Variants in PTPRE observed in about 807,000 individuals in gnomAD.
PTPRE encodes protein tyrosine phosphatase receptor type E.
PTPRE carries 51 observed loss-of-function variants against 102.0 expected under a neutral mutation model. The ratio of observed to expected loss-of-function variants is 0.50; its 90% confidence interval spans 0.40 to 0.63. PTPRE has a LOEUF of 0.63. Ranked by LOEUF, PTPRE falls within the 30% of genes least tolerant of loss-of-function variation. PTPRE has a pLI of 0.00. For synonymous variants in PTPRE, 345 were observed against 348.2 expected, an observed-to-expected ratio of 0.99 and a Z score of 0.10; for missense variants, 752 against 915.1, an observed-to-expected ratio of 0.82 and a Z score of 2.30.
At chr10:128,054,822 A>G (rs2135897941) in intron 6 of PTPRE, among the ~76,000 whole-genome samples, 1 of 152,224 alleles carries the variant, frequency 6.6e-6, no homozygotes, top group East Asian at 2.0e-4. Flanking sequence ...CCAGGCCTGC[A>G]CGGCTTGGAT....
intron 17 of PTPRE, 78 bp downstream of exon 17, chr10:128,073,549 C>T: frequency 6.6e-7 from 1 of 1,510,252 alleles, no homozygotes; most frequent in Non-Finnish European, 8.9e-7. Context: ...TTACAAATGT[C>T]CCACCTGCCA....
intron 1 of PTPRE, among the ~76,000 whole-genome samples, chr10:127,936,497 C>A (rs1034666579): frequency 4.6e-5 from 7 of 152,186 alleles, no homozygotes; most frequent in Admixed American, 3.3e-4. Flanking sequence ...CTTTCTGACA[C>A]AGAATTTCCA....
chr10:128,047,397 G>A lies in PTPRE; in HGVS notation c.117G>A (p.Pro39=), dbSNP rs373248427. The change falls in exon 4 of 21, where the codon CCG becomes CCA. Residue 39 remains proline (P), a synonymous_variant. Coordinates refer to ENST00000254667, the MANE Select transcript of PTPRE (RefSeq NM_006504.6). The stretch of plus-strand genomic sequence containing the variant: ...TTTCTGCTTCTCCTGCAGGCCCTCC[G>A]GACCCGGGCGCCTCCCAGCCGCTGC... The part of the protein sequence containing the change: ...SNETTTTSGP[P]DPGASQPLLA... The A allele has an allele frequency of 1.1e-5, 17 of 1,612,638 alleles. No individual in the cohort carries two copies. Among genetic ancestry groups the A allele is most frequent in the African/African-American group, 2.7e-5 (2 of 74,906 alleles).
rs1346146621 is a variant in PTPRE, at chr10:128,085,258, C to T, written c.*2352C>T. On this transcript the variant is annotated 3_prime_UTR_variant, in exon 21 of 21. Coordinates refer to ENST00000254667, the MANE Select transcript of PTPRE (RefSeq NM_006504.6). The stretch of plus-strand genomic sequence containing the variant: ...AATCAATCCCTGAGGGACTCAGAAT[C>T]TTCTCCGTGCAACCTGGAAAGTTCA... 3.0e-6 allele frequency: 1 copy of T among 328,446 alleles called. No individual in the cohort carries two copies. The highest frequency in any genetic ancestry group is 2.2e-5 in the African/African-American group (1 of 46,330). The allele number at this position is 328,446 out of a possible 1,614,324, so 20.3% of individuals were successfully genotyped here.
At chr10:128,068,529 G>T in intron 12 of PTPRE, 1 of 367,472 alleles carries the variant, frequency 2.7e-6, no homozygotes, top group South Asian at 7.3e-5. Context: ...GTTGATGGTG[G>T]GAATGGAGTT....
At chr10:127,999,406 C>T in intron 2 of PTPRE, 1 of 323,486 alleles carries the variant, frequency 3.1e-6, no homozygotes, top group Non-Finnish European at 4.4e-6. Context: ...AAATGTGAAC[C>T]ACGGGGGGAA....
intron 10 of PTPRE, among the ~76,000 whole-genome samples, chr10:128,065,092 A>G (rs1028037045): frequency 6.6e-6 from 1 of 152,114 alleles, no homozygotes; most frequent in African/African-American, 2.4e-5. Flanking sequence ...TGCATCAGAG[A>G]TGGCCTGTGA....
chr10:127,935,256 C>T (rs916026838), intron 1 of PTPRE, among the ~76,000 whole-genome samples: 3 of 152,178 alleles, frequency 2.0e-5, no homozygotes, highest in Admixed American at 6.5e-5. Context: ...GTGGTGCAAA[C>T]GTGGCCTTTG....
intron 1 of PTPRE, among the ~76,000 whole-genome samples, chr10:127,909,183 AG>A (rs1845693873): frequency 1.3e-5 from 2 of 152,166 alleles, no homozygotes; most frequent in Admixed American, 1.3e-4. Flanking sequence ...CCTCTTCTCC[AG>A]GGATGCGTGT....
At chr10:127,991,193 G>A (rs1273276638) in intron 2 of PTPRE, among the ~76,000 whole-genome samples, 1 of 152,210 alleles carries the variant, frequency 6.6e-6, no homozygotes, top group East Asian at 1.9e-4. Context: ...CCCAAAAGTA[G>A]ACTATTTGAG....
intron 17 of PTPRE, 102 bp downstream of exon 17, chr10:128,073,573 A>T: frequency 7.0e-7 from 1 of 1,427,948 alleles, no homozygotes; most frequent in Non-Finnish European, 9.4e-7. Flanking sequence ...CTGCAAACAC[A>T]TGGGTGAGAC....
At chr10:128,031,899 C>T (rs977705303) in intron 2 of PTPRE, among the ~76,000 whole-genome samples, 5 of 152,172 alleles carry the variant, frequency 3.3e-5, no homozygotes, top group Non-Finnish European at 4.4e-5. Context: ...TCTGCATTCT[C>T]TCCAGGGGGC....
At chr10:127,988,158 C>A (rs1482079276) in intron 2 of PTPRE, among the ~76,000 whole-genome samples, 1 of 152,310 alleles carries the variant, frequency 6.6e-6, no homozygotes, top group East Asian at 1.9e-4. Flanking sequence ...ATGCAAGGGC[C>A]GTGGGTGGAC....
chr10:128,067,094 G>GCA (rs1192349863), intron 11 of PTPRE, among the ~76,000 whole-genome samples: 1 of 145,858 alleles, frequency 6.9e-6, no homozygotes, highest in Non-Finnish European at 1.5e-5. Flanking sequence ...GCACACACAT[G>GCA]CACACACACG....
chr10:127,978,513 C>T (rs1851364671), intron 1 of PTPRE, among the ~76,000 whole-genome samples: 1 of 152,040 alleles, frequency 6.6e-6, no homozygotes, highest in African/African-American at 2.4e-5. Context: ...TGAACTTCAG[C>T]CTGGACTATA....
chr10:128,025,543 C>A (rs1846231222), intron 2 of PTPRE, among the ~76,000 whole-genome samples: 1 of 152,184 alleles, frequency 6.6e-6, no homozygotes, highest in Admixed American at 6.5e-5. Context: ...CAGGAGTAGG[C>A]CTGGGCGTCA....
intron 20 of PTPRE, among the ~76,000 whole-genome samples, 167 bp from the exon 21 acceptor site, chr10:128,082,665 T>C (rs1388076092): frequency 6.6e-6 from 1 of 152,252 alleles, no homozygotes; most frequent in East Asian, 1.9e-4. Flanking sequence ...ACAGCTTTAT[T>C]TGGAATTCTG....
At position 127,945,277 on chromosome 10, in the gene PTPRE, G is replaced by A. The variant is rs913508023; in HGVS notation, c.-30-36997G>A. 4.6e-5 allele frequency among the ~76,000 whole-genome samples: 7 copies of A among 152,334 alleles called. No individual in the cohort carries two copies. In the South Asian group the frequency reaches 1.4e-3, roughly 32 times the overall value. ...GCTGTAGCAACATTCATACATGGGG[G>A]TGAGAGGGGTGACTTGCGGAACTGG... On this transcript the variant is annotated intron_variant, in intron 1 of 20. Coordinates refer to ENST00000254667, the MANE Select transcript of PTPRE (RefSeq NM_006504.6).
intron 1 of PTPRE, among the ~76,000 whole-genome samples, chr10:127,981,321 G>T (rs1851593258): frequency 6.6e-6 from 1 of 152,136 alleles, no homozygotes; most frequent in African/African-American, 2.4e-5. Flanking sequence ...ATGGAGCTTG[G>T]GAGCTAGTGA....
Sources: gnomAD v4.1 joint callset for allele counts (sites outside exome capture counted in the v4.1 genomes callset) on GRCh38, gnomAD v4.1.1 for gene constraint, MANE v1.5 for transcripts, NCBI Gene and HGNC (gene_info 2026-07-23, HGNC 2026-07-21) for gene names.